Variants in FGF14 observed in about 807,000 individuals in gnomAD.
FGF14 encodes fibroblast growth factor homologous factor 4.
In FGF14, 5 loss-of-function variants were observed where a neutral mutation model predicts 25.5. The ratio of observed to expected loss-of-function variants is 0.20; its 90% CI spans 0.10 to 0.41. The LOEUF is 0.41. Ranked by LOEUF, FGF14 falls within the 10% of genes least tolerant of loss-of-function variation. The pLI is 1.00. For synonymous variants in FGF14, 138 were observed against 118.3 expected (o/e 1.17, Z -1.08); for missense variants, 222 against 320.1 (o/e 0.69, Z 2.34).
At chr13:102,082,463 C>A (rs1246534793) in intron 1 of FGF14, among the ~76,000 whole-genome samples, 1 of 152,150 alleles carries the variant, frequency 6.6e-6, no homozygotes, top group Admixed American at 6.5e-5. Flanking sequence ...ACCAGAGTCA[C>A]AACCAGAAAA....
At chr13:102,237,103 C>A (rs1191097337) in intron 1 of FGF14, among the ~76,000 whole-genome samples, 2 of 152,196 alleles carry the variant, frequency 1.3e-5, no homozygotes, top group Non-Finnish European at 2.9e-5. Flanking sequence ...CTGAAGGACT[C>A]CCATCTTCTC....
chr13:101,722,430 A>G lies in FGF14; in HGVS notation c.*401T>C, dbSNP rs1370666801. On this transcript the variant is annotated 3_prime_UTR_variant, in exon 5 of 5. Coordinates refer to ENST00000376143, the MANE Select transcript of FGF14 (RefSeq NM_004115.4). ...GTCTAACTAGAAATTACTCAATATT[A>G]TTTGTGTGCTACAAAATTGAACTTA... 6.5e-6 allele frequency: 2 copies of G among 310,070 alleles called. No individual in the cohort carries two copies. The highest frequency in any genetic ancestry group is 3.0e-5 in the South Asian group (1 of 33,140). 19.2% of individuals were successfully genotyped at this position (310,070 alleles called of 1,614,324 possible).
chr13:101,906,498 C>A (rs373358603), intron 1 of FGF14, among the ~76,000 whole-genome samples: 1 of 152,040 alleles, frequency 6.6e-6, no homozygotes, highest in Non-Finnish European at 1.5e-5. Flanking sequence ...CAATGAGAAT[C>A]GCACTATTTT....
chr13:102,219,143 C>T lies in FGF14; in HGVS notation c.208+182328G>A, dbSNP rs147517386. Among the ~76,000 whole-genome samples, 445 of 152,304 alleles carry T rather than the reference C, an allele frequency of 2.9e-3. 2 individuals are homozygous for T. Among genetic ancestry groups the T allele is most frequent in the African/African-American group, 0.01 (424 of 41,568 alleles). ...ACAATAAATTACTGTTGACTCTAGTCACCCTGTTGTGCTAACTCAAATTGT... is the reference window on the plus strand; with the variant it reads ...ACAATAAATTACTGTTGACTCTAGTTACCCTGTTGTGCTAACTCAAATTGT... On this transcript the variant is annotated intron_variant, in intron 1 of 4. Coordinates refer to the FGF14 transcript ENST00000376131.
chr13:102,049,071 TA>T, intron 1 of FGF14, among the ~76,000 whole-genome samples: 1 of 152,020 alleles, frequency 6.6e-6, no homozygotes, highest in South Asian at 2.1e-4. Context: ...GAAAACAATG[TA>T]AAAAATCAAT....
intron 1 of FGF14, among the ~76,000 whole-genome samples, chr13:102,089,871 T>A (rs984685455): frequency 6.6e-6 from 1 of 152,244 alleles, no homozygotes; most frequent in Admixed American, 6.5e-5. Context: ...CTGCACTGTG[T>A]AGCTATGAAA....
chr13:102,237,021 T>A (rs2051360176), intron 1 of FGF14, among the ~76,000 whole-genome samples: 1 of 152,118 alleles, frequency 6.6e-6, no homozygotes, highest in South Asian at 2.1e-4. Flanking sequence ...AATGCCATTC[T>A]CCTGTGTGAT....
At chr13:102,394,701 G>A (rs1199479327) in intron 1 of FGF14, 2 of 152,360 alleles carry the variant, frequency 1.3e-5, no homozygotes, top group African/African-American at 2.4e-5. Flanking sequence ...AGAGGGCAGC[G>A]GCGGCGGGAC....
chr13:102,057,593 A>C (rs1353032571), intron 1 of FGF14, among the ~76,000 whole-genome samples: 1 of 152,202 alleles, frequency 6.6e-6, no homozygotes, highest in Non-Finnish European at 1.5e-5. Flanking sequence ...CCATTATAGT[A>C]TTTGAAACAT....
At chr13:102,118,718 TATC>T (rs1351659242) in intron 1 of FGF14, among the ~76,000 whole-genome samples, 4 of 152,308 alleles carry the variant, frequency 2.6e-5, no homozygotes, top group East Asian at 3.9e-4. Context: ...TACTTCAAAA[TATC>T]ATGTGCATAT....
At chr13:101,945,207 A>G (rs776882001) in intron 1 of FGF14, among the ~76,000 whole-genome samples, 5 of 152,052 alleles carry the variant, frequency 3.3e-5, no homozygotes, top group African/African-American at 7.2e-5. Context: ...AATCCCAGCT[A>G]CTTGGGAGGC....
chr13:102,059,050 A>T (rs2140094649), intron 1 of FGF14, among the ~76,000 whole-genome samples: 1 of 152,252 alleles, frequency 6.6e-6, no homozygotes, highest in Middle Eastern at 3.4e-3. Context: ...GTTTTCCCAA[A>T]TTGAGACTGG....
In FGF14 at chr13:101,715,548, T is replaced by C; in HGVS notation, c.*7283A>G. On this transcript the variant is annotated 3_prime_UTR_variant, in exon 5 of 5. Coordinates refer to ENST00000376143, the MANE Select transcript of FGF14 (RefSeq NM_004115.4). ...TTTGATCATAATCATGATACCTATA[T>C]GTATTTTATTGCAGGGAATGGAATA... 6.4e-7 allele frequency: 1 copy of C among 1,562,512 alleles called. No individual in the cohort carries two copies. Among genetic ancestry groups the C allele is most frequent in the Non-Finnish European group, 8.8e-7 (1 of 1,132,906 alleles).
intron 3 of FGF14, among the ~76,000 whole-genome samples, chr13:101,738,883 C>T (rs1024084082): frequency 6.7e-6 from 1 of 148,458 alleles, no homozygotes; most frequent in Non-Finnish European, 1.5e-5. Flanking sequence ...ACACATACAC[C>T]AATTGCAGTG....
intron 1 of FGF14, among the ~76,000 whole-genome samples, chr13:102,101,401 T>C (rs1045116540): frequency 6.6e-6 from 1 of 152,208 alleles, no homozygotes; most frequent in East Asian, 1.9e-4. Context: ...GAGAATTTCC[T>C]TTGAATGTAG....
chr13:102,365,445 C>T (rs1428926361), intron 1 of FGF14, among the ~76,000 whole-genome samples: 4 of 152,092 alleles, frequency 2.6e-5, no homozygotes, highest in African/African-American at 4.8e-5. Context: ...TACAAAACGG[C>T]GATAATAATT....
intron 1 of FGF14, among the ~76,000 whole-genome samples, chr13:102,003,475 G>A (rs979024424): frequency 5.1e-4 from 77 of 152,206 alleles, no homozygotes; most frequent in African/African-American, 1.8e-3. Context: ...TAAGACATGA[G>A]CTGTCTCAGG....
At chr13:101,776,421 G>A (rs1434726004) in intron 3 of FGF14, among the ~76,000 whole-genome samples, 2 of 152,134 alleles carry the variant, frequency 1.3e-5, no homozygotes, top group Admixed American at 1.3e-4. Context: ...TCATCAGACT[G>A]TATTTTCATC....
chr13:102,095,977 TTG>T (rs35113785), intron 1 of FGF14, among the ~76,000 whole-genome samples: 9,784 of 142,590 alleles, frequency 0.069, 660 homozygotes, highest in East Asian at 0.26. Flanking sequence ...TAAATACAAT[TTG>T]TGTGTGTGTG....
Sources: gnomAD v4.1 joint callset for allele counts (sites outside exome capture counted in the v4.1 genomes callset) on GRCh38, gnomAD v4.1.1 for gene constraint, MANE v1.5 for transcripts, NCBI Gene and HGNC (gene_info 2026-07-23, HGNC 2026-07-21) for gene names.